The following HHIPL1 variants were observed in gnomAD, a reference collection of about 807,000 sequenced individuals.
HHIPL1 encodes the protein HHIP-like protein 1.
A neutral mutation model predicts 61.8 loss-of-function variants in HHIPL1; 43 were observed. That is an observed-to-expected ratio of 0.70 (90% CI 0.55 to 0.90). The LOEUF (loss-of-function observed/expected upper bound fraction) is 0.90. Ranked by LOEUF, HHIPL1 falls within the 40% of genes least tolerant of loss-of-function variation. The probability of loss-of-function intolerance (pLI) is 0.00; values close to 1 mark genes in which losing one functional copy is unlikely to be tolerated. For missense variants in HHIPL1, 1,056 were observed against 1,157.7 expected (o/e 0.91, Z 1.28); for synonymous variants, 482 against 515.8 (o/e 0.93, Z 0.89).
Position 99,646,803 on chromosome 14 carries a change from ATATGATATG to A in HHIPL1, c.255+1342_255+1350del, listed in dbSNP as rs1566804729. On this transcript the variant is annotated intron_variant, in intron 1 of 8. Transcript: ENST00000330710. ...ATATAATATAATATAATATGATATG[ATATGATATG>A]ATATGATATGATATGATATGATATA... Among the ~76,000 whole-genome samples, 6 of 43,572 alleles carry A rather than the reference ATATGATATG, an allele frequency of 1.4e-4. No individual in the cohort carries two copies. In the Middle Eastern group the frequency reaches 0.036, roughly 259 times the overall value. 28.6% of individuals were successfully genotyped at this position (43,572 alleles called of 152,430 possible). A position where few individuals can be genotyped will look rare whatever the true frequency, so the allele number is the denominator to read the frequency against.
the HHIPL1 span, among the ~76,000 whole-genome samples, chr14:99,606,379 A>G: frequency 6.6e-6 from 1 of 152,148 alleles, no homozygotes. Context: ...TATTAACTTC[A>G]AGGAGCTCCT....
chr14:99,612,675 G>GC, the HHIPL1 span, among the ~76,000 whole-genome samples: 7 of 152,140 alleles, frequency 4.6e-5, no homozygotes, highest in African/African-American at 1.7e-4. Flanking sequence ...TGAGGCCCAG[G>GC]CCCACCCGTG....
the HHIPL1 span, among the ~76,000 whole-genome samples, chr14:99,607,034 T>TTTC: frequency 7.8e-6 from 1 of 128,542 alleles, no homozygotes; most frequent in Non-Finnish European, 1.7e-5. Flanking sequence ...TTTTTTTTTT[T>TTTC]TTTTTTTTTT....
At chr14:99,629,792 C>G in the HHIPL1 span, among the ~76,000 whole-genome samples, 1 of 152,214 alleles carries the variant, frequency 6.6e-6, no homozygotes, top group Non-Finnish European at 1.5e-5. Context: ...CGTAAGCCAC[C>G]GCGCCCAGCC....
At chr14:99,645,854 C>G (rs985580526) in intron 1 of HHIPL1, among the ~76,000 whole-genome samples, 2 of 152,188 alleles carry the variant, frequency 1.3e-5, no homozygotes, top group Non-Finnish European at 2.9e-5. Flanking sequence ...GCATCTGTCC[C>G]GGTCAGTGCT....
the HHIPL1 span, among the ~76,000 whole-genome samples, chr14:99,628,345 C>A: frequency 3.3e-5 from 5 of 152,184 alleles, no homozygotes; most frequent in South Asian, 1.0e-3. Context: ...TTTGTGAAGC[C>A]GAGACGGGTG....
At position 99,668,917 on chromosome 14, in the gene HHIPL1, T is replaced by G. The variant is rs2056293473; in HGVS notation, c.1730+614T>G. The G allele has an allele frequency of 2.5e-6, 4 of 1,611,760 alleles. No individual in the cohort carries two copies. Among genetic ancestry groups the G allele is most frequent in the Non-Finnish European group, 1.7e-6 (2 of 1,178,044 alleles). The stretch of plus-strand genomic sequence containing the variant: ...GACGTCTCAGCCGTTCATTTTACAG[T>G]GGTGGAAATGAGCACAAAGACACGA... On this transcript the variant is annotated intron_variant, in intron 7 of 8. Transcript: ENST00000330710. The surrounding 1 kb of genome is among the most constrained non-coding windows in gnomAD (Gnocchi z 4.7).
chr14:99,658,311 C>T (rs4905879), intron 3 of HHIPL1, among the ~76,000 whole-genome samples: 124,582 of 152,138 alleles, frequency 0.82, 51,204 homozygotes, highest in African/African-American at 0.87. Context: ...TGGCATGTGA[C>T]GCGTGGGTTC....
chr14:99,652,302 C>T lies in HHIPL1; in HGVS notation c.334C>T (p.Gln112Ter). 6.2e-7 allele frequency: 1 copy of T among 1,614,102 alleles called. No individual in the cohort carries two copies. The highest frequency in any genetic ancestry group is 8.5e-7 in the Non-Finnish European group (1 of 1,180,042). ...TPLRTVPGLC[Q>*]DYCLDMWHKC... ...CCTGCGCACGGTGCCCGGGCTCTGC[C>T]AGGATTACTGCCTGGACATGTGGCA... Residue 112 changes from glutamine to a stop codon, truncating the protein, a stop_gained, in exon 2 of 9, where the codon CAG (glutamine) becomes TAG (stop). Transcript: ENST00000330710. LOFTEE classifies it high-confidence loss of function.
chr14:99,642,812 C>T (rs1045961384), upstream of HHIPL1, among the ~76,000 whole-genome samples: 2 of 152,182 alleles, frequency 1.3e-5, no homozygotes, highest in African/African-American at 4.8e-5. Flanking sequence ...GCATGAGCCA[C>T]TGTGCCCGGC....
chr14:99,652,541 C>A lies in HHIPL1; in HGVS notation c.573C>A (p.Asn191Lys). 6.2e-7 allele frequency: 1 copy of A among 1,613,050 alleles called. No individual in the cohort carries two copies. The highest frequency in any genetic ancestry group is 8.5e-7 in the Non-Finnish European group (1 of 1,179,990). ...AGCTGTGCCTGGAGGAGGTGGCCAA[C>A]GGGCTGCGCAACCCCGTGGCCATGG... The part of the protein sequence containing the change: ...CLQLCLEEVA[N>K]GLRNPVAMVH... Residue 191 changes from asparagine (N) to lysine (K), a missense_variant, in exon 2 of 9, where the codon AAC becomes AAA. Coordinates refer to ENST00000330710, the MANE Select transcript of HHIPL1 (RefSeq NM_001127258.3).
Position 99,668,761 on chromosome 14 carries a change from G to A in HHIPL1, c.1730+458G>A, listed in dbSNP as rs374693511. 127 of 1,577,460 alleles carry A rather than the reference G, an allele frequency of 8.1e-5. No individual in the cohort carries two copies. In the African/African-American group the frequency reaches 1.5e-3, roughly 18 times the overall value. On this transcript the variant is annotated intron_variant, in intron 7 of 8. Transcript: ENST00000330710. The surrounding 1 kb of genome is among the most constrained non-coding windows in gnomAD (Gnocchi z 4.7). The stretch of plus-strand genomic sequence containing the variant: ...CCCCGTGCCTGCCCTTCCTCCTGTG[G>A]TCCATCTTCCACTGGGGAAAACACA...
At chr14:99,629,664 A>AT in the HHIPL1 span, among the ~76,000 whole-genome samples, 1 of 150,740 alleles carries the variant, frequency 6.6e-6, no homozygotes, top group African/African-American at 2.4e-5. Context: ...CGCCCGGCTA[A>AT]TTTTTTTTTT....
At chr14:99,648,092 G>A (rs2055870120) in intron 1 of HHIPL1, among the ~76,000 whole-genome samples, 1 of 152,058 alleles carries the variant, frequency 6.6e-6, no homozygotes, top group South Asian at 2.1e-4. Flanking sequence ...CTGGATGCTG[G>A]GCCCAAAAAC....
chr14:99,609,177 G>A, the HHIPL1 span, among the ~76,000 whole-genome samples: 1 of 152,154 alleles, frequency 6.6e-6, no homozygotes, highest in African/African-American at 2.4e-5. Context: ...ATAGAACACT[G>A]CATGTCATTA....
rs1555378192 is a variant in HHIPL1 at position 99,661,421 on chromosome 14, A to AGGAAGGAAGGAAGGAAG, written c.1502+1016_1502+1017insGAAGGAAGGAAGGAAGG. Reference sequence around the variant, plus strand: ...AGAAAGAAAGAGAGAGAGAGAGAAAAGAAGGAAGGAAGGAAGGAAGGAAGG... The same window carrying AGGAAGGAAGGAAGGAAG: ...AGAAAGAAAGAGAGAGAGAGAGAAAAGGAAGGAAGGAAGGAAGGAAGGAAGGAAGGAAGGAAGGAAGG... On this transcript the variant is annotated intron_variant, in intron 5 of 8. Coordinates refer to ENST00000330710, the MANE Select transcript of HHIPL1 (RefSeq NM_001127258.3). Among the ~76,000 whole-genome samples the AGGAAGGAAGGAAGGAAG allele has an allele frequency of 1.8e-3, 262 of 143,512 alleles. 4 individuals are homozygous for AGGAAGGAAGGAAGGAAG. Among genetic ancestry groups the AGGAAGGAAGGAAGGAAG allele is most frequent in the African/African-American group, 6.6e-3 (250 of 38,048 alleles). The allele number at this position is 143,512 out of a possible 152,430, so 94.1% of individuals were successfully genotyped here. A position where few individuals can be genotyped will look rare whatever the true frequency, so the allele number is the denominator to read the frequency against.
the HHIPL1 span, among the ~76,000 whole-genome samples, chr14:99,613,859 C>T: frequency 3.3e-5 from 5 of 151,886 alleles, no homozygotes; most frequent in African/African-American, 9.7e-5. Context: ...TGCAGTGAGC[C>T]GAGATCATGC....
Position 99,659,712 on chromosome 14 carries a change from G to C in HHIPL1, c.1331G>C (p.Gly444Ala), listed in dbSNP as rs1194064528. 2.7e-6 allele frequency: 4 copies of C among 1,483,800 alleles called. No homozygotes were observed. The highest frequency in any genetic ancestry group is 1.4e-5 in the African/African-American group (1 of 69,058). 91.9% of individuals were successfully genotyped at this position (1,483,800 alleles called of 1,614,324 possible). Reference protein sequence around the residue: ...GGNYGWRAREGFECYDRSLCA... With the variant: ...GGNYGWRAREAFECYDRSLCA... ...AACTATGGCTGGCGCGCGCGCGAAG[G>C]GTTCGAGTGCTACGACCGCAGCCTG... Residue 444 changes from glycine to alanine, a missense_variant, in exon 4 of 9, where the codon GGG becomes GCG. Gly to Ala is a moderately conservative substitution (Grantham distance 60). Coordinates refer to ENST00000330710, the MANE Select transcript of HHIPL1 (RefSeq NM_001127258.3).
At position 99,645,586 on chromosome 14, in the gene HHIPL1, A is replaced by C. The variant is rs79570438; in HGVS notation, c.255+124A>C. 0.012 allele frequency: 12,115 copies of C among 1,036,390 alleles called. 1,099 individuals are homozygous for C. In the East Asian group the frequency reaches 0.23, roughly 19 times the overall value. 64.2% of individuals were successfully genotyped at this position (1,036,390 alleles called of 1,614,324 possible). On this transcript the variant is annotated intron_variant, in intron 1 of 8. Transcript: ENST00000330710. ...GCGGACTCGGGAACTCTAAGCCCCA[A>C]CAGGGAGTCATTTGGCACGGGGCGG...
Sources: gnomAD v4.1 joint callset for allele counts (sites outside exome capture counted in the v4.1 genomes callset) on GRCh38, gnomAD v4.1.1 for gene constraint, Gnocchi (gnomAD v3.1) non-coding constraint, MANE v1.5 for transcripts, NCBI Gene and HGNC (gene_info 2026-07-23, HGNC 2026-07-21) for gene names.